DCAF8L2: variants seen among roughly 807,000 people sequenced by gnomAD.
DCAF8L2 encodes DDB1 and CUL4 associated factor 8 like 2.
For missense variants in DCAF8L2, 430 were observed against 490.7 expected (o/e 0.88, Z 1.17); for synonymous variants, 200 against 190.9 (o/e 1.05, Z -0.39).
chrX:27,723,640 C>T (rs1019006663), intron 4 of DCAF8L2, among the ~76,000 whole-genome samples: 6 of 110,971 alleles, frequency 5.4e-5, no homozygotes, highest in Admixed American at 1.9e-4. Flanking sequence ...GGTGCAAATC[C>T]TATCCAGGAC....
the DCAF8L2 span, among the ~76,000 whole-genome samples, chrX:27,514,668 C>CAAAAAAAAAAAAAAAA: frequency 7.9e-4 from 2 of 2,516 alleles, no homozygotes; most frequent in African/African-American, 1.2e-3. Flanking sequence ...GACTCCGTCT[C>CAAAAAAAAAAAAAAAA]AAAAAAAAAA....
At chrX:27,725,110 A>G (rs1233086149) in intron 4 of DCAF8L2, among the ~76,000 whole-genome samples, 2 of 67,666 alleles carry the variant, frequency 3.0e-5, no homozygotes, top group South Asian at 4.8e-4. Context: ...AATAAGAGAC[A>G]TGATAGTAAG....
intron 4 of DCAF8L2, among the ~76,000 whole-genome samples, chrX:27,717,251 T>C (rs1196274672): frequency 1.8e-5 from 2 of 112,312 alleles, no homozygotes; most frequent in Middle Eastern, 4.2e-3. Flanking sequence ...ATATACCCAG[T>C]AATGGGATAG....
At chrX:27,549,427 C>T in the DCAF8L2 span, among the ~76,000 whole-genome samples, 2 of 111,503 alleles carry the variant, frequency 1.8e-5, no homozygotes, top group Non-Finnish European at 3.8e-5. Flanking sequence ...GATAGCTGTA[C>T]TAAGTTTTCT....
At chrX:27,709,701 C>T (rs1931459326) in intron 3 of DCAF8L2, among the ~76,000 whole-genome samples, 1 of 111,818 alleles carries the variant, frequency 8.9e-6, no homozygotes, top group African/African-American at 3.3e-5. Context: ...AGAAGTAACA[C>T]CATGGGCTAA....
chrX:27,666,184 T>G (rs2147218790), intron 2 of DCAF8L2, among the ~76,000 whole-genome samples: 1 of 112,318 alleles, frequency 8.9e-6, no homozygotes, highest in East Asian at 2.8e-4. Context: ...TATTACTTAC[T>G]TATGCAAGTT....
intron 2 of DCAF8L2, among the ~76,000 whole-genome samples, chrX:27,660,412 T>G (rs766925812): frequency 1.0e-3 from 111 of 111,505 alleles, no homozygotes; most frequent in African/African-American, 3.5e-3. Context: ...GTTTTTGTGT[T>G]TTTTTTTGTA....
chrX:27,665,547 A>G (rs1300681884), intron 2 of DCAF8L2, among the ~76,000 whole-genome samples: 1 of 112,198 alleles, frequency 8.9e-6, no homozygotes, highest in Non-Finnish European at 1.9e-5. Context: ...GATTGAGAGT[A>G]TTGGCTCCAA....
intron 4 of DCAF8L2, among the ~76,000 whole-genome samples, chrX:27,724,514 A>G (rs1395809220): frequency 9.0e-6 from 1 of 110,968 alleles, no homozygotes; most frequent in African/African-American, 3.3e-5. Flanking sequence ...AAAATTCTTT[A>G]ATTTTCTGCT....
intron 4 of DCAF8L2, among the ~76,000 whole-genome samples, chrX:27,733,103 C>T (rs779627954): frequency 2.7e-5 from 3 of 110,990 alleles, no homozygotes; most frequent in Non-Finnish European, 3.8e-5. Flanking sequence ...ATGATCCACC[C>T]GCCTCGGCCT....
chrX:27,689,244 T>C (rs1415435640), intron 3 of DCAF8L2, among the ~76,000 whole-genome samples: 2 of 112,273 alleles, frequency 1.8e-5, no homozygotes, highest in Non-Finnish European at 3.8e-5. Flanking sequence ...GACTGATTGA[T>C]TGATTGATTG....
chrX:27,497,512 CCT>C, the DCAF8L2 span, among the ~76,000 whole-genome samples: 13 of 60,387 alleles, frequency 2.2e-4, no homozygotes, highest in Middle Eastern at 8.5e-3. Flanking sequence ...TTCTTTCTTT[CCT>C]TCCTTCCTTC....
intron 1 of DCAF8L2, among the ~76,000 whole-genome samples, chrX:27,594,031 CA>C (rs1926237917): frequency 9.0e-6 from 1 of 111,585 alleles, no homozygotes; most frequent in Admixed American, 9.5e-5. Flanking sequence ...CTTGAAATGT[CA>C]AAATATAAGT....
At position 27,593,080 on chromosome X, in the gene DCAF8L2, T is replaced by A. The variant is rs759097604; in HGVS notation, c.-342+2640T>A. Among the ~76,000 whole-genome samples the A allele has an allele frequency of 3.6e-5, 4 of 112,057 alleles. No homozygotes were observed. The East Asian group carries it at 1.1e-3, about 32-fold the overall frequency. Reference sequence around the variant, plus strand: ...TCCCAGAGTGCTGGAATGACAGGCATGAGCCACCGTGCCCAGCCATCTCAA... The same window carrying A: ...TCCCAGAGTGCTGGAATGACAGGCAAGAGCCACCGTGCCCAGCCATCTCAA... On this transcript the variant is annotated intron_variant, in intron 1 of 4. Coordinates refer to ENST00000451261, the MANE Select transcript of DCAF8L2 (RefSeq NM_001353450.2).
At chrX:27,667,617 C>T (rs1372063831) in intron 2 of DCAF8L2, among the ~76,000 whole-genome samples, 1 of 111,311 alleles carries the variant, frequency 9.0e-6, no homozygotes, top group Non-Finnish European at 1.9e-5. Context: ...TTCTGGCTGA[C>T]TCAAATATGT....
chrX:27,595,644 T>C (rs879066658), intron 1 of DCAF8L2, among the ~76,000 whole-genome samples: 2 of 112,361 alleles, frequency 1.8e-5, no homozygotes, highest in East Asian at 2.8e-4. Context: ...TAAGATGTAA[T>C]CAGACAAAAA....
Position 27,699,863 on chromosome X carries a change from C to T in DCAF8L2, c.-142-16225C>T, listed in dbSNP as rs1931065865. On this transcript the variant is annotated intron_variant, in intron 3 of 4. Coordinates refer to ENST00000451261, the MANE Select transcript of DCAF8L2 (RefSeq NM_001353450.2). Reference sequence around the variant, plus strand: ...GCAACATAGGGATATTCCATCTCTACAAAAATAAAAATAAAACAAAAAATA... The same window carrying T: ...GCAACATAGGGATATTCCATCTCTATAAAAATAAAAATAAAACAAAAAATA... Among the ~76,000 whole-genome samples the T allele has an allele frequency of 3.6e-5, 4 of 110,121 alleles. No homozygotes were observed. In the Admixed American group the frequency reaches 3.9e-4, roughly 11 times the overall value.
chrX:27,633,216 A>T (rs1366013931), intron 2 of DCAF8L2: 1 of 112,191 alleles, frequency 8.9e-6, no homozygotes, highest in Non-Finnish European at 1.9e-5. Context: ...AAAGTATTTT[A>T]ATAGTGATAT....
intron 2 of DCAF8L2, among the ~76,000 whole-genome samples, chrX:27,665,001 T>C (rs1283423516): frequency 9.0e-6 from 1 of 111,344 alleles, no homozygotes; most frequent in East Asian, 2.8e-4. Context: ...ATTGTTCTCA[T>C]ACCTGCTAAC....
Sources: gnomAD v4.1 joint callset for allele counts (sites outside exome capture counted in the v4.1 genomes callset) on GRCh38, gnomAD v4.1.1 for gene constraint, MANE v1.5 for transcripts, NCBI Gene and HGNC (gene_info 2026-07-23, HGNC 2026-07-21) for gene names.